ZNF443: variants seen among roughly 807,000 people sequenced by gnomAD.
The protein encoded by ZNF443 is Kruppel-type zinc finger (C2H2).
A neutral mutation model predicts 12.0 loss-of-function variants in ZNF443; 3 were observed. That is an observed-to-expected ratio of 0.25 (90% confidence interval 0.11 to 0.64). The LOEUF is 0.64. Among genes scored for constraint, ZNF443 ranks in the 30% least tolerant of loss-of-function variants. The pLI is 0.84. For missense variants in ZNF443, 770 were observed against 808.8 expected (o/e 0.95, Z 0.58); for synonymous variants, 225 against 265.9 (o/e 0.85, Z 1.50).
At chr19:12,435,126 C>A (rs1261886135) in intron 1 of ZNF443, among the ~76,000 whole-genome samples, 2 of 152,000 alleles carry the variant, frequency 1.3e-5, no homozygotes, top group East Asian at 3.9e-4. Context: ...TACAGGAATG[C>A]TCAAACACAT....
At chr19:12,438,115 T>A (rs1413211741) in intron 1 of ZNF443, among the ~76,000 whole-genome samples, 2 of 148,194 alleles carry the variant, frequency 1.3e-5, no homozygotes, top group African/African-American at 2.5e-5. Flanking sequence ...AAAAAAAAAA[T>A]TGGTCTTAGC....
At chr19:12,438,745 G>T (rs981397667) in intron 1 of ZNF443, among the ~76,000 whole-genome samples, 2 of 151,920 alleles carry the variant, frequency 1.3e-5, no homozygotes, top group African/African-American at 4.8e-5. Context: ...ATAAATAAAG[G>T]CTTTTAAAAA....
Position 12,431,572 on chromosome 19 carries a change from C to G in ZNF443, c.600G>C (p.Lys200Asn). Residue 200 changes from lysine to asparagine, a missense_variant, in exon 4 of 4, where the codon AAG becomes AAC. Lys to Asn is a moderately conservative substitution (Grantham distance 94). Coordinates refer to ENST00000301547, the MANE Select transcript of ZNF443 (RefSeq NM_005815.5). ...GCCAAAAAAACGCTTTCCCACACAA[C>G]TTACATTTATAAGGTCCATCTCCAC... ...VQRGDGPYKC[K>N]LCGKAFFWPS... 1 of 1,614,156 alleles carries G rather than the reference C, an allele frequency of 6.2e-7. No homozygotes were observed. The highest frequency in any genetic ancestry group is 8.5e-7 in the Non-Finnish European group (1 of 1,179,996).
intron 1 of ZNF443, among the ~76,000 whole-genome samples, chr19:12,440,401 G>C (rs953095529): frequency 3.9e-5 from 6 of 152,142 alleles, no homozygotes; most frequent in African/African-American, 1.4e-4. Context: ...CCAGGTTGAA[G>C]ACCCCACGAG....
Position 12,431,771 on chromosome 19 carries a change from T to C in ZNF443, c.401A>G (p.His134Arg). The C allele has an allele frequency of 1.9e-6, 3 of 1,614,166 alleles. No homozygotes were observed. Among genetic ancestry groups the C allele is most frequent in the South Asian group, 1.1e-5 (1 of 91,080 alleles). The stretch of plus-strand genomic sequence containing the variant: ...CGTATCTGGCTTCTCTCCACATTCA[T>C]GATACTCATGTGGTTTGTGCCCAGC... The part of the protein sequence containing the change: ...VGAGHKPHEY[H>R]ECGEKPDTHK... The change falls in exon 4 of 4, where the codon CAT (histidine) becomes CGT (arginine). Residue 134 changes from histidine (H) to arginine (R), a missense_variant. This residue lies in a region of ZNF443 where 736 missense variants were observed against 689.4 expected (regional missense o/e 1.07). Coordinates refer to ENST00000301547, the MANE Select transcript of ZNF443 (RefSeq NM_005815.5).
At position 12,431,796 on chromosome 19, in the gene ZNF443, C is replaced by A. The variant is rs373097363; in HGVS notation, c.376G>T (p.Ala126Ser). Residue 126 changes from alanine (A) to serine (S), a missense_variant, in exon 4 of 4, where the codon GCT becomes TCT. By Grantham distance (99) the Ala-to-Ser change is moderately conservative. Coordinates refer to ENST00000301547, the MANE Select transcript of ZNF443 (RefSeq NM_005815.5). ...TGATACTCATGTGGTTTGTGCCCAG[C>A]ACCAACTCTGATGTAACAATTAAGG... is the stretch of plus-strand genomic sequence containing the variant. Reference protein sequence around the residue: ...SSLNCYIRVGAGHKPHEYHEC... With the variant: ...SSLNCYIRVGSGHKPHEYHEC... 3.6e-5 allele frequency: 58 copies of A among 1,614,020 alleles called. No homozygotes were observed. In the Middle Eastern group the frequency reaches 4.9e-4, roughly 14 times the overall value.
chr19:12,431,456 G>A lies in ZNF443; in HGVS notation c.716C>T (p.Ser239Phe). The A allele has an allele frequency of 1.2e-6, 2 of 1,613,708 alleles. No homozygotes were observed. The highest frequency in any genetic ancestry group is 1.7e-6 in the Non-Finnish European group (2 of 1,179,904). Residue 239 changes from serine (S) to phenylalanine (F), a missense_variant, in exon 4 of 4, where the codon TCC becomes TTC. By Grantham distance (155) the Ser-to-Phe change is radical (BLOSUM62 -2). Around this residue, in one of 3 missense-constraint regions of ZNF443, gnomAD observed 736 missense variants for 689.4 expected, o/e 1.07. Coordinates refer to ENST00000301547, the MANE Select transcript of ZNF443 (RefSeq NM_005815.5). ...QCSKAFSFYS[S>F]YLRHERTHTG... ...ATGTGTTCTTTCATGTCTTAGATAG[G>A]AACTGTAAAAAGAAAAGGCTTTAGA...
At chr19:12,437,937 C>CCAA (rs762138035) in intron 1 of ZNF443, among the ~76,000 whole-genome samples, 1 of 136,228 alleles carries the variant, frequency 7.3e-6, no homozygotes, top group African/African-American at 2.7e-5. Context: ...ATTAAAAATA[C>CCAA]AAAAAAAAAA....
chr19:12,431,730 T>G lies in ZNF443; in HGVS notation c.442A>C (p.Lys148Gln). The change falls in exon 4 of 4, where the codon AAA becomes CAA. Residue 148 changes from lysine (K) to glutamine (Q), a missense_variant. This residue lies in a region of ZNF443 where 736 missense variants were observed against 689.4 expected (regional missense o/e 1.07). Coordinates refer to ENST00000301547, the MANE Select transcript of ZNF443 (RefSeq NM_005815.5). ...EKPDTHKQRG[K>Q]AFSYHNSFQT... ...AATGAGTTGTGGTAACTGAAGGCTT[T>G]CCCACGTTGTTTATGCGTATCTGGC... 6.2e-7 allele frequency: 1 copy of G among 1,614,190 alleles called. No homozygotes were observed. The highest frequency in any genetic ancestry group is 8.5e-7 in the Non-Finnish European group (1 of 1,180,008).
chr19:12,433,776 C>T (rs1236557695), intron 1 of ZNF443, among the ~76,000 whole-genome samples: 1 of 150,876 alleles, frequency 6.6e-6, no homozygotes, highest in Non-Finnish European at 1.5e-5. Context: ...TGATCAGCCA[C>T]TGCTAGGTTT....
At chr19:12,437,625 A>G (rs963915641) in intron 1 of ZNF443, among the ~76,000 whole-genome samples, 3 of 152,174 alleles carry the variant, frequency 2.0e-5, no homozygotes, top group African/African-American at 7.2e-5. Context: ...TTATATGAAT[A>G]TACCAATAAA....
chr19:12,432,975 AT>A (rs1373633314), intron 2 of ZNF443, 95 bp downstream of exon 2: 1 of 1,602,654 alleles, frequency 6.2e-7, no homozygotes, highest in Non-Finnish European at 8.5e-7. Context: ...AGGGCCAACC[AT>A]ATCCCCTTTC....
rs751443459 is a variant in ZNF443 at position 12,431,217 on chromosome 19, T to C, written c.955A>G (p.Ser319Gly). ...TGTCTTTGAAGGGAACCGGAAACACTGAAGGCTTTCCCACATTGTTTACAT... is the reference window on the plus strand; with the variant it reads ...TGTCTTTGAAGGGAACCGGAAACACCGAAGGCTTTCCCACATTGTTTACAT... ...YTCKQCGKAF[S>G]VSGSLQRHET... is the part of the protein sequence containing the mutation. Residue 319 changes from serine (S) to glycine (G), a missense_variant, in exon 4 of 4, where the codon AGT becomes GGT. Around this residue, in one of 3 missense-constraint regions of ZNF443, gnomAD observed 736 missense variants for 689.4 expected, o/e 1.07. Coordinates refer to ENST00000301547, the MANE Select transcript of ZNF443 (RefSeq NM_005815.5). The C allele has an allele frequency of 6.2e-7, 1 of 1,613,240 alleles. No individual in the cohort carries two copies. The highest frequency in any genetic ancestry group is 8.5e-7 in the Non-Finnish European group (1 of 1,179,708).
rs768040626 is a variant in ZNF443, at chr19:12,430,188, T to A, written c.1984A>T (p.Ser662Cys). ...KECGKAFASL[S>C]SLHRHKKTH ...GTCTTTTTATGTCTATGCAAGGAAC[T>A]GAGAGAAGCAAATGCTTTCCCACAT... Residue 662 changes from serine (S) to cysteine (C), a missense_variant, in exon 4 of 4, where the codon AGT becomes TGT. Around this residue, in one of 3 missense-constraint regions of ZNF443, gnomAD observed 30 missense variants for 60.4 expected, o/e 0.50. Coordinates refer to ENST00000301547, the MANE Select transcript of ZNF443 (RefSeq NM_005815.5). 6.2e-7 allele frequency: 1 copy of A among 1,613,816 alleles called. No homozygotes were observed. Among genetic ancestry groups the A allele is most frequent in the South Asian group, 1.1e-5 (1 of 91,004 alleles).
Position 12,430,624 on chromosome 19 carries a change from G to A in ZNF443, c.1548C>T (p.Phe516=), listed in dbSNP as rs771358422. ...CKECGKAFSR[F]RYLSRHKRTH... is the part of the protein sequence containing the mutation. Reference sequence around the variant, plus strand: ...TCCTTTTATGTCGAGAAAGGTATCTGAAACGACTGAATGCTTTCCCACATT... The same window carrying A: ...TCCTTTTATGTCGAGAAAGGTATCTAAAACGACTGAATGCTTTCCCACATT... Residue 516 remains phenylalanine, a synonymous_variant, in exon 4 of 4, where the codon TTC becomes TTT. Coordinates refer to ENST00000301547, the MANE Select transcript of ZNF443 (RefSeq NM_005815.5). 2 of 1,613,940 alleles carry A rather than the reference G, an allele frequency of 1.2e-6. No homozygotes were observed. The highest frequency in any genetic ancestry group is 8.5e-7 in the Non-Finnish European group (1 of 1,179,934).
Position 12,429,795 on chromosome 19 carries a change from A to G in ZNF443, c.*361T>C, listed in dbSNP as rs1970229720. The G allele has an allele frequency of 3.2e-6, 1 of 315,968 alleles. No individual in the cohort carries two copies. Among genetic ancestry groups the G allele is most frequent in the Non-Finnish European group, 5.8e-6 (1 of 171,420 alleles). 19.6% of individuals were successfully genotyped at this position (315,968 alleles called of 1,614,324 possible). A position where few individuals can be genotyped will look rare whatever the true frequency, so the allele number is the denominator to read the frequency against. ...TACTGCATCTATACTGAAAATACAT[A>G]GACTCTTTTCCTTATCATGATTCCC... On this transcript the variant is annotated 3_prime_UTR_variant, in exon 4 of 4. Transcript: ENST00000301547.
intron 1 of ZNF443, 45 bp from the exon 2 acceptor site, chr19:12,433,242 G>C (rs561616095): frequency 6.4e-7 from 1 of 1,555,742 alleles, no homozygotes; most frequent in African/African-American, 1.4e-5. Context: ...GAAAATCACA[G>C]TACTGAGAAT....
chr19:12,430,659 C>G lies in ZNF443; in HGVS notation c.1513G>C (p.Glu505Gln). 1 of 1,614,042 alleles carries G rather than the reference C, an allele frequency of 6.2e-7. No individual in the cohort carries two copies. Reference sequence around the variant, plus strand: ...AATGCTTTCCCACATTCCTTACACTCATATGGCTTCTCTCCAGTGTGAGTT... The same window carrying G: ...AATGCTTTCCCACATTCCTTACACTGATATGGCTTCTCTCCAGTGTGAGTT... ...KTTHTGEKPY[E>Q]CKECGKAFSR... Residue 505 changes from glutamate (E) to glutamine (Q), a missense_variant, in exon 4 of 4, where the codon GAG (glutamate) becomes CAG (glutamine). By Grantham distance (29) the Glu-to-Gln change is conservative. This residue lies in a region of ZNF443 where 736 missense variants were observed against 689.4 expected (regional missense o/e 1.07). Transcript: ENST00000301547.
chr19:12,431,982 T>G lies in ZNF443; in HGVS notation c.192-2A>C. ...ACAAATCTCTCTAACATACGACATC[T>G]GTAAAAAATGGGAAATATATCACTA... On this transcript the variant is annotated splice_acceptor_variant, in intron 3 of 3. Transcript: ENST00000301547. LOFTEE classifies it high-confidence loss of function. 1 of 1,543,492 alleles carries G rather than the reference T, an allele frequency of 6.5e-7. No individual in the cohort carries two copies. The highest frequency in any genetic ancestry group is 2.3e-5 in the East Asian group (1 of 44,332).
Sources: allele counts gnomAD v4.1 joint callset (sites outside exome capture counted in the v4.1 genomes callset), GRCh38; gene constraint gnomAD v4.1.1; regional missense constraint gnomAD v4.1.1; transcripts MANE v1.5; gene names NCBI Gene and HGNC (gene_info 2026-07-23, HGNC 2026-07-21).